Variants in DNAH7 observed in about 807,000 individuals in gnomAD.
The protein encoded by DNAH7 is axonemal beta dynein heavy chain 7.
DNAH7 carries 397 observed loss-of-function variants against 444.6 expected under a neutral mutation model. The ratio of observed to expected loss-of-function variants is 0.89; its 90% CI spans 0.82 to 0.97. The LOEUF is 0.97. Ranked by LOEUF, DNAH7 falls within the 50% of genes least tolerant of loss-of-function variation. The pLI is 0.00. For synonymous variants in DNAH7, 1,636 were observed against 1,624.4 expected, an observed-to-expected ratio of 1.01 and a Z score of -0.17; for missense variants, 4,902 against 4,800.8, an observed-to-expected ratio of 1.02 and a Z score of -0.62.
At chr2:196,057,126 AT>A (rs1344609227) in intron 2 of DNAH7, among the ~76,000 whole-genome samples, 1 of 152,242 alleles carries the variant, frequency 6.6e-6, no homozygotes, top group African/African-American at 2.4e-5. Context: ...TCAAATAAAA[AT>A]TTTTAAATAA....
chr2:196,047,389 G>T lies in DNAH7; in HGVS notation c.361C>A (p.Arg121=). 2 of 1,596,722 alleles carry T rather than the reference G, an allele frequency of 1.3e-6. No individual in the cohort carries two copies. The highest frequency in any genetic ancestry group is 1.7e-6 in the Non-Finnish European group (2 of 1,170,482). Residue 121 remains arginine (R), a synonymous_variant, in exon 5 of 65, where the codon CGA becomes AGA. Coordinates refer to ENST00000312428, the MANE Select transcript of DNAH7 (RefSeq NM_018897.3). ...ACAAGAGTACTTCTAAAGTTTTCTC[G>T]TTCTTTATGTGGAGATTTGCCCTTT... ...KSKGKSPHKE[R]ENFRSTLVNV...
chr2:195,937,893 C>A (rs1485272245), intron 19 of DNAH7, among the ~76,000 whole-genome samples: 2 of 151,942 alleles, frequency 1.3e-5, no homozygotes, highest in African/African-American at 4.8e-5. Flanking sequence ...TGAAAATACA[C>A]CAGACATTTA....
intron 10 of DNAH7, among the ~76,000 whole-genome samples, chr2:196,003,076 GA>G (rs201411620): frequency 0.045 from 5,816 of 129,610 alleles, 158 homozygotes; most frequent in East Asian, 0.11. Flanking sequence ...TGTCATAAAA[GA>G]AAAAAAAATC....
chr2:195,933,234 TA>T (rs1456774892), intron 21 of DNAH7, among the ~76,000 whole-genome samples: 1 of 152,070 alleles, frequency 6.6e-6, no homozygotes, highest in African/African-American at 2.4e-5. Context: ...TGGCGATCAT[TA>T]AAAAGTCAGG....
intron 47 of DNAH7, among the ~76,000 whole-genome samples, chr2:195,843,260 G>A (rs935061338): frequency 6.6e-6 from 1 of 152,074 alleles, no homozygotes; most frequent in African/African-American, 2.4e-5. Flanking sequence ...CTTTGTAAAA[G>A]GCGCTTAAAA....
At chr2:196,058,163 TA>T in intron 1 of DNAH7, 47 bp from the exon 2 acceptor site, 1 of 1,485,400 alleles carries the variant, frequency 6.7e-7, no homozygotes. Flanking sequence ...CCGTTAATGC[TA>T]AAATTGATTC....
intron 63 of DNAH7, among the ~76,000 whole-genome samples, chr2:195,753,553 A>G (rs141328775): frequency 2.6e-5 from 4 of 152,328 alleles, no homozygotes; most frequent in Non-Finnish European, 5.9e-5. Flanking sequence ...TGAATTCATC[A>G]TTCAGTGATG....
intron 7 of DNAH7, 92 bp from the exon 8 acceptor site, chr2:196,024,596 C>T (rs1695570442): frequency 2.9e-6 from 2 of 680,520 alleles, no homozygotes; most frequent in Middle Eastern, 4.3e-4. Context: ...CTAAGATTAA[C>T]TGTTTAAATT....
intron 4 of DNAH7, 131 bp from the exon 5 acceptor site, chr2:196,047,630 A>ATTTTTT: frequency 1.9e-6 from 1 of 519,154 alleles, no homozygotes; most frequent in Non-Finnish European, 2.9e-6. Flanking sequence ...CCTAAGTATA[A>ATTTTTT]TTTTTTTTTT....
chr2:195,754,595 G>A, intron 62 of DNAH7, 81 bp from the exon 63 acceptor site: 2 of 1,420,528 alleles, frequency 1.4e-6, no homozygotes, highest in Middle Eastern at 2.5e-4. Context: ...ATCTCTGGTT[G>A]CCCAGGCAGG....
At chr2:195,873,019 G>T (rs920002722) in intron 39 of DNAH7, among the ~76,000 whole-genome samples, 2 of 152,224 alleles carry the variant, frequency 1.3e-5, no homozygotes, top group Non-Finnish European at 2.9e-5. Context: ...CATTTAGAAA[G>T]ATTGCCTATA....
At chr2:195,776,690 A>G (rs1467186514) in intron 59 of DNAH7, among the ~76,000 whole-genome samples, 2 of 152,186 alleles carry the variant, frequency 1.3e-5, no homozygotes, top group Non-Finnish European at 2.9e-5. Context: ...ACCCAATTCA[A>G]AAAAGTAAAA....
intron 24 of DNAH7, among the ~76,000 whole-genome samples, chr2:195,913,664 A>G (rs1687492455): frequency 6.6e-6 from 1 of 152,204 alleles, no homozygotes; most frequent in Non-Finnish European, 1.5e-5. Context: ...ATCCTTCAAT[A>G]TTAGATCTCC....
intron 1 of DNAH7, among the ~76,000 whole-genome samples, chr2:196,059,997 C>T (rs1262765674): frequency 2.0e-5 from 3 of 152,076 alleles, no homozygotes; most frequent in South Asian, 2.1e-4. Context: ...GGGCGGATCA[C>T]GAGGTCAGGA....
chr2:196,065,054 T>G (rs1210698515), intron 1 of DNAH7, among the ~76,000 whole-genome samples: 1 of 152,208 alleles, frequency 6.6e-6, no homozygotes, highest in Non-Finnish European at 1.5e-5. Context: ...TTATATTGCC[T>G]AATTTACTAT....
rs983998709 is a variant in DNAH7, at chr2:195,972,414, A to G, written c.1886T>C (p.Leu629Ser). Residue 629 changes from leucine (L) to serine (S), a missense_variant, in exon 16 of 65, where the codon TTA becomes TCA. By Grantham distance (145) the Leu-to-Ser change is moderately radical. Coordinates refer to ENST00000312428, the MANE Select transcript of DNAH7 (RefSeq NM_018897.3). ...GGCGAGGCAGTTTTTGGAATCCACT[A>G]ATCTCTGTTCTAGTTCAATCATATC... ...VTDMIELEQR[L>S]VDSKNCLAFL... is the part of the protein sequence containing the mutation. 6.2e-7 allele frequency: 1 copy of G among 1,614,136 alleles called. No homozygotes were observed. The highest frequency in any genetic ancestry group is 1.1e-5 in the South Asian group (1 of 91,080).
At position 195,857,609 on chromosome 2, in the gene DNAH7, A is replaced by G; in HGVS notation, c.8182T>C (p.Ser2728Pro). Residue 2728 changes from serine (S) to proline (P), a missense_variant, in exon 44 of 65, where the codon TCA becomes CCA. Transcript: ENST00000312428. ...CAGAAATCCTCAATTTTTTTCCCTG[A>G]ACCTGTTGGGTCAGGGATTTTGTCA... is the stretch of plus-strand genomic sequence containing the variant. ...KADKIPDPTG[S>P]GKKIEDFWGP... 1 of 1,613,944 alleles carries G rather than the reference A, an allele frequency of 6.2e-7. No homozygotes were observed. The highest frequency in any genetic ancestry group is 1.1e-5 in the South Asian group (1 of 91,056).
intron 46 of DNAH7, 39 bp from the exon 47 acceptor site, chr2:195,845,204 G>A: frequency 6.5e-7 from 1 of 1,544,916 alleles, no homozygotes; most frequent in Non-Finnish European, 8.8e-7. Flanking sequence ...AATGAGACTG[G>A]AGGTTATCAA....
At position 195,864,788 on chromosome 2, in the gene DNAH7, C is replaced by A; in HGVS notation, c.6867G>T (p.Val2289=). 1.2e-6 allele frequency: 2 copies of A among 1,614,192 alleles called. No homozygotes were observed. The highest frequency in any genetic ancestry group is 1.7e-6 in the Non-Finnish European group (2 of 1,180,020). The change falls in exon 41 of 65, where the codon GTG becomes GTT. Residue 2289 remains valine (V), a synonymous_variant. Transcript: ENST00000312428. ...EDTNYREIAD[V]DNLRMIVEIH... ...TTTCTACTATCATTCGAAGATTATC[C>A]ACATCTGCGATTTCTCTGTAGTTGG...
Sources: gnomAD v4.1 joint callset for allele counts (sites outside exome capture counted in the v4.1 genomes callset) on GRCh38, gnomAD v4.1.1 for gene constraint, MANE v1.5 for transcripts, NCBI Gene and HGNC (gene_info 2026-07-23, HGNC 2026-07-21) for gene names.